The following SOS2 variants were observed in gnomAD, a reference collection of about 807,000 sequenced individuals.
SOS2 encodes SOS Ras/Rho guanine nucleotide exchange factor 2.
In SOS2, 65 loss-of-function variants were observed where a neutral mutation model predicts 148.2. That is an observed-to-expected ratio of 0.44 (90% CI 0.36 to 0.54). The LOEUF (loss-of-function observed/expected upper bound fraction) is 0.54, where lower values mean the gene tolerates loss of function less well. Among genes scored for constraint, SOS2 ranks in the 20% least tolerant of loss-of-function variants. The pLI is 0.00. For synonymous variants in SOS2, 539 were observed against 537.1 expected, an observed-to-expected ratio of 1.00 and a Z score of -0.05; for missense variants, 1,341 against 1,590.2, an observed-to-expected ratio of 0.84 and a Z score of 2.67.
intron 1 of SOS2, among the ~76,000 whole-genome samples, chr14:50,227,744 T>C (rs1020366229): frequency 2.6e-5 from 4 of 152,184 alleles, no homozygotes; most frequent in African/African-American, 7.2e-5. Context: ...TTCTATGTAA[T>C]GCAATGAATA....
chr14:50,182,913 G>T (rs2139711498), intron 5 of SOS2, among the ~76,000 whole-genome samples: 1 of 152,204 alleles, frequency 6.6e-6, no homozygotes, highest in African/African-American at 2.4e-5. Context: ...TTTTCTACAT[G>T]TTTTTAAATT....
At chr14:50,211,798 T>C (rs1359027513) in intron 1 of SOS2, among the ~76,000 whole-genome samples, 1 of 152,128 alleles carries the variant, frequency 6.6e-6, no homozygotes, top group Non-Finnish European at 1.5e-5. Context: ...GCTCACATTG[T>C]ATCTCTTCTA....
At chr14:50,158,514 A>C in intron 11 of SOS2, 51 bp downstream of exon 11, 1 of 1,095,526 alleles carries the variant, frequency 9.1e-7, no homozygotes, top group Non-Finnish European at 1.4e-6. Flanking sequence ...TACAAAATAC[A>C]GTTAATTTTT....
chr14:50,209,322 T>C (rs1350297133), intron 1 of SOS2, among the ~76,000 whole-genome samples: 1 of 144,112 alleles, frequency 6.9e-6, no homozygotes, highest in Non-Finnish European at 1.5e-5. Flanking sequence ...TGTGTGTGTG[T>C]CTCCTATTGG....
At chr14:50,226,616 G>A (rs1014850333) in intron 1 of SOS2, among the ~76,000 whole-genome samples, 4 of 152,274 alleles carry the variant, frequency 2.6e-5, no homozygotes, top group African/African-American at 2.4e-5. Flanking sequence ...TGGGGAGGTC[G>A]ATATTTAACC....
intron 7 of SOS2, among the ~76,000 whole-genome samples, chr14:50,176,945 G>A (rs1331651817): frequency 1.3e-5 from 2 of 152,230 alleles, no homozygotes; most frequent in Non-Finnish European, 2.9e-5. Flanking sequence ...AAGAGGCAGA[G>A]GTTGCAGTGA....
chr14:50,144,910 A>G (rs1884416989), intron 16 of SOS2, among the ~76,000 whole-genome samples: 1 of 152,162 alleles, frequency 6.6e-6, no homozygotes, highest in South Asian at 2.1e-4. Context: ...GGTTAAGTAC[A>G]TTACACGGCA....
chr14:50,224,304 A>AT (rs1555324598), intron 1 of SOS2, among the ~76,000 whole-genome samples: 1,088 of 62,596 alleles, frequency 0.017, 37 homozygotes, highest in Middle Eastern at 0.033. Context: ...AAAAAAAAAA[A>AT]ATATATATAT....
chr14:50,216,434 AAAAATTTTAGTTGAAGTATATATACT>A (rs1403410030), intron 1 of SOS2, among the ~76,000 whole-genome samples: 1 of 152,192 alleles, frequency 6.6e-6, no homozygotes. Flanking sequence ...AAAAGAAAAT[AAAAATTTTAGTTGAAGTATATATACT>A]AAAACTACAA....
At chr14:50,204,900 C>CT (rs1555322745) in intron 1 of SOS2, among the ~76,000 whole-genome samples, 14 of 147,630 alleles carry the variant, frequency 9.5e-5, no homozygotes, top group African/African-American at 2.2e-4. Flanking sequence ...CTTTTTTTTT[C>CT]TTTCTTTTTT....
intron 11 of SOS2, 23 bp downstream of exon 11, chr14:50,158,542 A>G (rs1884891620): frequency 7.0e-7 from 1 of 1,427,774 alleles, no homozygotes; most frequent in East Asian, 2.3e-5. Context: ...TGTCAATATA[A>G]CTGAAATACA....
chr14:50,174,327 T>C, intron 8 of SOS2, 127 bp downstream of exon 8: 1 of 331,582 alleles, frequency 3.0e-6, no homozygotes, highest in Non-Finnish European at 5.0e-6. Flanking sequence ...ATGTTACATA[T>C]AAAAATTATT....
intron 17 of SOS2, among the ~76,000 whole-genome samples, chr14:50,139,198 G>A (rs1795540562): frequency 6.6e-6 from 1 of 152,268 alleles, no homozygotes; most frequent in Non-Finnish European, 1.5e-5. Flanking sequence ...TGGTTAATAA[G>A]TCTATAGGCT....
At chr14:50,167,546 G>C (rs1050117865) in intron 8 of SOS2, among the ~76,000 whole-genome samples, 3 of 147,970 alleles carry the variant, frequency 2.0e-5, no homozygotes, top group Admixed American at 6.8e-5. Flanking sequence ...AAAAAAACAG[G>C]AATGATAACA....
intron 12 of SOS2, among the ~76,000 whole-genome samples, chr14:50,153,506 T>C (rs569230084): frequency 6.6e-6 from 1 of 152,330 alleles, no homozygotes; most frequent in East Asian, 1.9e-4. Context: ...CTATTTTAAG[T>C]TCATAAAAAG....
chr14:50,192,282 T>C (rs1327470328), intron 4 of SOS2, among the ~76,000 whole-genome samples: 1 of 152,000 alleles, frequency 6.6e-6, no homozygotes, highest in Non-Finnish European at 1.5e-5. Flanking sequence ...TGGCCAGGCA[T>C]GGGTGGCTCA....
In SOS2 at chr14:50,174,629, T is replaced by G. The variant is rs10782418; in HGVS notation, c.970-77A>C. On this transcript the variant is annotated intron_variant, in intron 7 of 22. Transcript: ENST00000216373. Reference sequence around the variant, plus strand: ...GCAACAGCAGTGCCTAACAGAAACGTCTACTAAAAATTTGAGATACAGACT... The same window carrying G: ...GCAACAGCAGTGCCTAACAGAAACGGCTACTAAAAATTTGAGATACAGACT... 592,919 of 669,516 alleles carry G rather than the reference T, an allele frequency of 0.89. 263,619 individuals carry two copies. Among genetic ancestry groups the G allele is most frequent in the African/African-American group, 0.98 (53,718 of 55,068 alleles). The allele number at this position is 669,516 out of a possible 1,614,324, so 41.5% of individuals were successfully genotyped here. A position where few individuals can be genotyped will look rare whatever the true frequency, so the allele number is the denominator to read the frequency against.
chr14:50,187,223 G>A (rs1019485685), intron 5 of SOS2, among the ~76,000 whole-genome samples: 1 of 151,998 alleles, frequency 6.6e-6, no homozygotes, highest in South Asian at 2.1e-4. Flanking sequence ...TGTTACCCAG[G>A]CTGGTCTCAA....
intron 5 of SOS2, among the ~76,000 whole-genome samples, chr14:50,185,812 C>A (rs1167687537): frequency 2.0e-5 from 3 of 151,954 alleles, no homozygotes; most frequent in Non-Finnish European, 2.9e-5. Flanking sequence ...GTATTGGGCA[C>A]ATTATATTCT....
Sources: gnomAD v4.1 joint callset for allele counts (sites outside exome capture counted in the v4.1 genomes callset) on GRCh38, gnomAD v4.1.1 for gene constraint, MANE v1.5 for transcripts, NCBI Gene and HGNC (gene_info 2026-07-23, HGNC 2026-07-21) for gene names.